Variants in BCAT1 observed in about 807,000 individuals in gnomAD.
BCAT1 encodes branched chain amino acid transaminase 1.
In BCAT1, 48 loss-of-function variants were observed where a neutral mutation model predicts 52.4. The observed-to-expected ratio is 0.92, with a 90% confidence interval of 0.73 to 1.16. The LOEUF is 1.16. Ranked by LOEUF, BCAT1 falls within the 50% of genes most tolerant of loss-of-function variation. BCAT1 has a pLI of 0.00. For missense variants in BCAT1, 451 were observed against 457.1 expected, an observed-to-expected ratio of 0.99 and a Z score of 0.12; for synonymous variants, 167 against 161.3, an observed-to-expected ratio of 1.04 and a Z score of -0.27.
chr12:24,826,839 A>G (rs1197651924), intron 10 of BCAT1, among the ~76,000 whole-genome samples: 2 of 152,024 alleles, frequency 1.3e-5, no homozygotes, highest in African/African-American at 2.4e-5. Flanking sequence ...TTTTCCTTGT[A>G]TAGATCTCTC....
At chr12:24,894,534 T>C in intron 2 of BCAT1, 59 bp from the exon 3 acceptor site, 1 of 1,393,454 alleles carries the variant, frequency 7.2e-7, no homozygotes, top group Non-Finnish European at 9.8e-7. Context: ...GCTGGCTAGA[T>C]TATACAGAGG....
chr12:24,824,272 C>A (rs138865308), intron 10 of BCAT1, among the ~76,000 whole-genome samples: 1 of 124,582 alleles, frequency 8.0e-6, no homozygotes, highest in Non-Finnish European at 1.7e-5. Flanking sequence ...CCTTCATTCC[C>A]TCCCTCCCTC....
intron 1 of BCAT1, among the ~76,000 whole-genome samples, chr12:24,905,561 T>G (rs564956463): frequency 6.6e-6 from 1 of 152,362 alleles, no homozygotes; most frequent in African/African-American, 2.4e-5. Context: ...CTTAAAGGTT[T>G]GCTCTAAATA....
At chr12:24,946,331 C>G (rs1943932230) in intron 1 of BCAT1, among the ~76,000 whole-genome samples, 1 of 152,004 alleles carries the variant, frequency 6.6e-6, no homozygotes, top group Non-Finnish European at 1.5e-5. Flanking sequence ...AGCCTACGGA[C>G]AAAACTGAGA....
At chr12:24,890,204 A>G (rs1268580828) in intron 3 of BCAT1, among the ~76,000 whole-genome samples, 1 of 152,192 alleles carries the variant, frequency 6.6e-6, no homozygotes, top group East Asian at 1.9e-4. Flanking sequence ...TCCAGAGGAC[A>G]GGACTTGTGA....
intron 1 of BCAT1, among the ~76,000 whole-genome samples, chr12:24,943,992 A>AAG (rs547031940): frequency 7.6e-4 from 83 of 109,650 alleles, no homozygotes; most frequent in African/African-American, 2.3e-3. Context: ...TCAACAAAAG[A>AAG]AAAAAAAAAA....
At chr12:24,844,935 A>G (rs1251888596) in intron 6 of BCAT1, among the ~76,000 whole-genome samples, 1 of 148,224 alleles carries the variant, frequency 6.7e-6, no homozygotes, top group African/African-American at 2.5e-5. Context: ...TAAAAGGGCC[A>G]GGCACAGTGG....
chr12:24,823,982 T>C (rs1940264019), intron 10 of BCAT1, among the ~76,000 whole-genome samples: 1 of 152,198 alleles, frequency 6.6e-6, no homozygotes, highest in South Asian at 2.1e-4. Context: ...AAATTGTGTG[T>C]TTGGGCTTCT....
At chr12:24,881,606 A>G (rs1176121229) in intron 3 of BCAT1, among the ~76,000 whole-genome samples, 195 bp from the exon 4 acceptor site, 1 of 152,200 alleles carries the variant, frequency 6.6e-6, no homozygotes, top group Non-Finnish European at 1.5e-5. Context: ...GGTGGAGGAA[A>G]GTTATTTTAT....
In BCAT1 at chr12:24,832,715, T is replaced by C; in HGVS notation, c.1044+8A>G. 1 of 1,599,536 alleles carries C rather than the reference T, an allele frequency of 6.3e-7. No homozygotes were observed. The highest frequency in any genetic ancestry group is 8.5e-7 in the Non-Finnish European group (1 of 1,173,566). ...AAATGATAGGAAATGAGGAAATACTTGTCGTACCTCGCCTTTGTACAGTAT... is the reference window on the plus strand; with the variant it reads ...AAATGATAGGAAATGAGGAAATACTCGTCGTACCTCGCCTTTGTACAGTAT... On this transcript the variant is annotated splice_region_variant and intron_variant, in intron 9 of 10. Transcript: ENST00000261192.
chr12:24,821,463 T>C (rs944925555), intron 10 of BCAT1, among the ~76,000 whole-genome samples: 3 of 152,226 alleles, frequency 2.0e-5, no homozygotes, highest in African/African-American at 4.8e-5. Context: ...TATGTGATTA[T>C]TTGTTGACAG....
At chr12:24,858,657 C>G (rs1158329131) in intron 5 of BCAT1, among the ~76,000 whole-genome samples, 3 of 152,180 alleles carry the variant, frequency 2.0e-5, no homozygotes, top group Admixed American at 6.5e-5. Context: ...ATAATTAAAA[C>G]CACTTATTTA....
intron 6 of BCAT1, among the ~76,000 whole-genome samples, chr12:24,846,055 A>T (rs1383889589): frequency 6.6e-6 from 1 of 152,256 alleles, no homozygotes; most frequent in Non-Finnish European, 1.5e-5. Context: ...GAATTCTTAC[A>T]GGATGAATAT....
intron 1 of BCAT1, among the ~76,000 whole-genome samples, chr12:24,918,259 G>A (rs1286267522): frequency 6.6e-6 from 1 of 152,188 alleles, no homozygotes; most frequent in Non-Finnish European, 1.5e-5. Context: ...ACACTGCAGA[G>A]TAGAGCTAAG....
intron 6 of BCAT1, among the ~76,000 whole-genome samples, chr12:24,843,634 A>G (rs566819150): frequency 2.6e-5 from 4 of 152,146 alleles, no homozygotes; most frequent in Non-Finnish European, 5.9e-5. Context: ...TTAGAGCCAC[A>G]TGTTAGTGTA....
chr12:24,824,280 C>T (rs12427117), intron 10 of BCAT1, among the ~76,000 whole-genome samples: 18,238 of 49,856 alleles, frequency 0.37, 1,532 homozygotes, highest in African/African-American at 0.39. Context: ...CCCTCCCTCC[C>T]TCCCTCCCTC....
intron 2 of BCAT1, among the ~76,000 whole-genome samples, chr12:24,901,475 TCA>T (rs1467259324): frequency 2.0e-5 from 3 of 152,130 alleles, no homozygotes; most frequent in Non-Finnish European, 4.4e-5. Flanking sequence ...AAGAGAAAAA[TCA>T]CAGTTTAACT....
At chr12:24,863,379 C>T (rs1173365448) in intron 5 of BCAT1, among the ~76,000 whole-genome samples, 1 of 152,118 alleles carries the variant, frequency 6.6e-6, no homozygotes, top group African/African-American at 2.4e-5. Flanking sequence ...AAATACATTC[C>T]ATATGTACAA....
At chr12:24,893,311 T>C (rs1465999541) in intron 3 of BCAT1, among the ~76,000 whole-genome samples, 1 of 152,220 alleles carries the variant, frequency 6.6e-6, no homozygotes, top group South Asian at 2.1e-4. Context: ...TAAATTACTT[T>C]ATTTTATACT....
Sources: allele counts gnomAD v4.1 joint callset (sites outside exome capture counted in the v4.1 genomes callset), GRCh38; gene constraint gnomAD v4.1.1; transcripts MANE v1.5; gene names NCBI Gene and HGNC (gene_info 2026-07-23, HGNC 2026-07-21).